ACER3: variants seen among roughly 807,000 people sequenced by gnomAD.
The protein encoded by ACER3 is alkCDase 3.
In ACER3, 16 loss-of-function variants were observed where a neutral mutation model predicts 48.9. The ratio of observed to expected loss-of-function variants is 0.33; its 90% confidence interval spans 0.22 to 0.50. ACER3 has a LOEUF of 0.50. Among genes scored for constraint, ACER3 ranks in the 20% least tolerant of loss-of-function variants. ACER3 has a pLI of 0.98. For synonymous variants in ACER3, 109 were observed against 107.8 expected (o/e 1.01, Z -0.07); for missense variants, 227 against 326.0 (o/e 0.70, Z 2.34).
intron 2 of ACER3, among the ~76,000 whole-genome samples, chr11:76,954,262 A>G (rs1947772784): frequency 6.6e-6 from 1 of 152,080 alleles, no homozygotes; most frequent in African/African-American, 2.4e-5. Flanking sequence ...GTTCTTCTTA[A>G]TCTATTTTCT....
chr11:76,986,628 C>T (rs1948690173), intron 5 of ACER3, among the ~76,000 whole-genome samples: 1 of 152,176 alleles, frequency 6.6e-6, no homozygotes, highest in African/African-American at 2.4e-5. Context: ...AAATCATCAC[C>T]ACTGGTAGAA....
At chr11:76,879,352 T>C (rs1945466604) in intron 1 of ACER3, among the ~76,000 whole-genome samples, 1 of 152,174 alleles carries the variant, frequency 6.6e-6, no homozygotes, top group Non-Finnish European at 1.5e-5. Context: ...TATCCAGTTA[T>C]TTTAGCATCA....
chr11:76,923,400 A>T (rs1020362794), intron 1 of ACER3, among the ~76,000 whole-genome samples: 1 of 152,034 alleles, frequency 6.6e-6, no homozygotes, highest in Non-Finnish European at 1.5e-5. Context: ...ATTAGTTTGC[A>T]TTTTCTAGCC....
intron 1 of ACER3, among the ~76,000 whole-genome samples, chr11:76,896,221 A>G (rs914568381): frequency 2.6e-5 from 4 of 152,196 alleles, no homozygotes; most frequent in African/African-American, 9.7e-5. Context: ...CAACTGTTCA[A>G]ATTCTTGAAA....
intron 2 of ACER3, among the ~76,000 whole-genome samples, chr11:76,948,170 A>G (rs1246825474): frequency 6.8e-6 from 1 of 147,308 alleles, no homozygotes; most frequent in Non-Finnish European, 1.5e-5. Flanking sequence ...CATTTTTGGT[A>G]TTACCATTCT....
chr11:77,010,337 G>C (rs2135307664), intron 7 of ACER3, among the ~76,000 whole-genome samples: 1 of 150,654 alleles, frequency 6.6e-6, no homozygotes, highest in South Asian at 2.1e-4. Context: ...AACAAAGCAA[G>C]ACTTTCTGTC....
intron 2 of ACER3, chr11:76,957,411 T>C (rs1355854450): frequency 8.9e-6 from 4 of 447,236 alleles, no homozygotes; most frequent in East Asian, 7.2e-5. Flanking sequence ...TGAATACATA[T>C]ATACATGAAG....
At chr11:77,018,026 T>C (rs781879118) in intron 9 of ACER3, among the ~76,000 whole-genome samples, 13 of 138,710 alleles carry the variant, frequency 9.4e-5, no homozygotes, top group Non-Finnish European at 1.8e-4. Flanking sequence ...GCAACCTCCA[T>C]CTCCTGGGTT....
At chr11:76,976,696 C>T (rs369167047) in intron 4 of ACER3, among the ~76,000 whole-genome samples, 2 of 152,164 alleles carry the variant, frequency 1.3e-5, no homozygotes, top group East Asian at 1.9e-4. Context: ...TTTAACAAGA[C>T]GCTTACCAGA....
chr11:76,933,173 C>CATATATATATATAT (rs144524712), intron 2 of ACER3, among the ~76,000 whole-genome samples: 8,273 of 129,176 alleles, frequency 0.064, 400 homozygotes, highest in Non-Finnish European at 0.091. Context: ...ATACGTATTT[C>CATATATATATATAT]ATATATATAT....
In ACER3 at chr11:77,022,868, C is replaced by CAAAAAAAAAAAAAAAAAAA. The variant is rs10565723; in HGVS notation, c.*2547_*2565dup. 1 of 276,172 alleles carries CAAAAAAAAAAAAAAAAAAA rather than the reference C, an allele frequency of 3.6e-6. No homozygotes were observed. Among genetic ancestry groups the CAAAAAAAAAAAAAAAAAAA allele is most frequent in the African/African-American group, 2.4e-5 (1 of 41,412 alleles). 17.1% of individuals were successfully genotyped at this position (276,172 alleles called of 1,614,324 possible). On this transcript the variant is annotated 3_prime_UTR_variant, in exon 11 of 11. Coordinates refer to ENST00000532485, the MANE Select transcript of ACER3 (RefSeq NM_018367.7). ...ATGGTGGCAGAGCGAGACTCCGTCT[C>CAAAAAAAAAAAAAAAAAAA]AAAAAAAAAAAAAAAAAAAAAAAAG... is the stretch of plus-strand genomic sequence containing the variant.
chr11:76,896,075 C>G (rs1320575131), intron 1 of ACER3, among the ~76,000 whole-genome samples: 1 of 152,108 alleles, frequency 6.6e-6, no homozygotes, highest in Non-Finnish European at 1.5e-5. Flanking sequence ...TAAAAAGGTT[C>G]CCATATCTGG....
At chr11:76,904,728 C>T (rs1946173949) in intron 1 of ACER3, among the ~76,000 whole-genome samples, 1 of 152,206 alleles carries the variant, frequency 6.6e-6, no homozygotes, top group South Asian at 2.1e-4. Flanking sequence ...GTGATCTAGA[C>T]TCCATGGTAC....
intron 1 of ACER3, among the ~76,000 whole-genome samples, chr11:76,909,241 G>A (rs1486977427): frequency 6.6e-6 from 1 of 152,056 alleles, no homozygotes; most frequent in Admixed American, 6.5e-5. Context: ...AACACCAAAA[G>A]CAATGGCAAC....
intron 1 of ACER3, among the ~76,000 whole-genome samples, chr11:76,892,110 G>A (rs1242834232): frequency 1.3e-5 from 2 of 152,126 alleles, no homozygotes; most frequent in Admixed American, 1.3e-4. Flanking sequence ...CCATTTAGGA[G>A]CTATAATATA....
intron 2 of ACER3, among the ~76,000 whole-genome samples, chr11:76,930,958 A>C (rs1946984945): frequency 1.3e-5 from 2 of 150,152 alleles, no homozygotes; most frequent in South Asian, 4.3e-4. Flanking sequence ...TGGGGTGGAG[A>C]GTTCTGTAGA....
At chr11:76,877,870 G>C (rs1374364248) in intron 1 of ACER3, among the ~76,000 whole-genome samples, 1 of 151,028 alleles carries the variant, frequency 6.6e-6, no homozygotes, top group Non-Finnish European at 1.5e-5. Flanking sequence ...GTTCAGGTTT[G>C]CTTGTTTTAT....
intron 1 of ACER3, among the ~76,000 whole-genome samples, chr11:76,902,173 T>C (rs1366465543): frequency 6.6e-6 from 1 of 152,220 alleles, no homozygotes; most frequent in African/African-American, 2.4e-5. Flanking sequence ...CTACAGAAGC[T>C]GCTTCTCCTG....
intron 3 of ACER3, among the ~76,000 whole-genome samples, chr11:76,972,485 A>G (rs566218988): frequency 2.4e-4 from 36 of 152,294 alleles, no homozygotes; most frequent in African/African-American, 8.2e-4. Flanking sequence ...TATATTCTAG[A>G]TACTAGACTC....
Sources: allele counts gnomAD v4.1 joint callset (sites outside exome capture counted in the v4.1 genomes callset), GRCh38; gene constraint gnomAD v4.1.1; transcripts MANE v1.5; gene names NCBI Gene and HGNC (gene_info 2026-07-23, HGNC 2026-07-21).